Variants in PEF1 observed in about 807,000 individuals in gnomAD.
PEF1 encodes the protein penta-EF-hand domain containing 1, also known as peflin.
PEF1 carries 17 observed loss-of-function variants against 32.0 expected under a neutral mutation model. The ratio of observed to expected loss-of-function variants is 0.53; its 90% CI spans 0.36 to 0.80. The LOEUF is 0.80. Ranked by LOEUF, PEF1 falls within the 30% of genes least tolerant of loss-of-function variation. The pLI, the probability that PEF1 is intolerant of heterozygous loss-of-function variation, is 0.00. For missense variants in PEF1, 362 were observed against 369.1 expected, an observed-to-expected ratio of 0.98 and a Z score of 0.16; for synonymous variants, 130 against 139.8, an observed-to-expected ratio of 0.93 and a Z score of 0.50.
chr1:31,630,857 C>T lies in PEF1; in HGVS notation c.626-15G>A, dbSNP rs371471126. The stretch of plus-strand genomic sequence containing the variant: ...TTGGGACAGAGCTGGAGAAGAGGGG[C>T]ACACAGACCAGACACACAAAAACCT... On this transcript the variant is annotated splice_polypyrimidine_tract_variant and intron_variant, in intron 4 of 4. Transcript: ENST00000373703. 1.3e-6 allele frequency: 2 copies of T among 1,585,720 alleles called. No individual in the cohort carries two copies. The highest frequency in any genetic ancestry group is 1.7e-5 in the Admixed American group (1 of 57,882).
intron 1 of PEF1, among the ~76,000 whole-genome samples, chr1:31,643,548 T>C: frequency 6.6e-6 from 1 of 152,198 alleles, no homozygotes; most frequent in Admixed American, 6.5e-5. Context: ...CCTCACTTAC[T>C]ACGTGTGACT....
Position 31,630,560 on chromosome 1 carries a change from C to G in PEF1, c.*53G>C. The G allele has an allele frequency of 6.5e-7, 1 of 1,534,016 alleles. No individual in the cohort carries two copies. The highest frequency in any genetic ancestry group is 9.0e-7 in the Non-Finnish European group (1 of 1,113,206). On this transcript the variant is annotated 3_prime_UTR_variant, in exon 5 of 5. Transcript: ENST00000373703. The stretch of plus-strand genomic sequence containing the variant: ...GAGATGTCCACATACTTCTCTCACT[C>G]TAAGAAGCCAGGAAAGGTCCCTGGT...
chr1:31,644,844 C>T lies in PEF1; in HGVS notation c.21G>A (p.Arg7=), dbSNP rs982272079. MASYPY[R]QGCPGAAGQA... ...CGCGGGCCCCTCACACACTCACCTG[C>T]CGGTAAGGATAGCTGGCCATGGTGA... The change falls in exon 1 of 5, where the codon CGG becomes CGA. Residue 7 remains arginine, a synonymous_variant. Coordinates refer to ENST00000373703, the MANE Select transcript of PEF1 (RefSeq NM_012392.4). 6 of 1,614,014 alleles carry T rather than the reference C, an allele frequency of 3.7e-6. No individual in the cohort carries two copies. Among genetic ancestry groups the T allele is most frequent in the Non-Finnish European group, 5.1e-6 (6 of 1,179,920 alleles).
Position 31,633,045 on chromosome 1 carries a change from C to T in PEF1, c.481+114G>A, listed in dbSNP as rs1640156310. The T allele has an allele frequency of 3.1e-6, 4 of 1,279,826 alleles. No individual in the cohort carries two copies. The East Asian group carries it at 7.3e-5, about 23-fold the overall frequency. The allele number at this position is 1,279,826 out of a possible 1,614,324, so 79.3% of individuals were successfully genotyped here. A position where few individuals can be genotyped will look rare whatever the true frequency, so the allele number is the denominator to read the frequency against. On this transcript the variant is annotated intron_variant, in intron 3 of 4. Transcript: ENST00000373703. ...TGAACCTAGCTTCCTCCCCACAGTCCTCCCTGGTCAATGAATTTCTCTTCA... is the reference window on the plus strand; with the variant it reads ...TGAACCTAGCTTCCTCCCCACAGTCTTCCCTGGTCAATGAATTTCTCTTCA...
chr1:31,641,632 T>G (rs1640392527), intron 1 of PEF1, among the ~76,000 whole-genome samples: 1 of 152,236 alleles, frequency 6.6e-6, no homozygotes, highest in Non-Finnish European at 1.5e-5. Context: ...CTATTTCCTC[T>G]GCTGGAATAG....
In PEF1 at chr1:31,644,622, G is replaced by C. The variant is rs902625147; in HGVS notation, c.24+219C>G. The C allele has an allele frequency of 5.5e-6, 8 of 1,445,212 alleles. No homozygotes were observed. The Middle Eastern group carries it at 1.0e-3, about 184-fold the overall frequency. 89.5% of individuals were successfully genotyped at this position (1,445,212 alleles called of 1,614,324 possible). A position where few individuals can be genotyped will look rare whatever the true frequency, so the allele number is the denominator to read the frequency against. ...GTCCCCAAATCCTCGAGTGAGCGAC[G>C]TCAAGGGGGCGCGACACGACCTCGC... On this transcript the variant is annotated intron_variant, in intron 1 of 4. Coordinates refer to ENST00000373703, the MANE Select transcript of PEF1 (RefSeq NM_012392.4).
intron 1 of PEF1, among the ~76,000 whole-genome samples, chr1:31,641,075 T>TGG (rs1640380117): frequency 6.6e-6 from 1 of 152,142 alleles, no homozygotes; most frequent in African/African-American, 2.4e-5. Context: ...CAGACTTCAA[T>TGG]TACCTCTGTG....
At chr1:31,644,762 G>T in intron 1 of PEF1, 79 bp downstream of exon 1, 1 of 1,608,906 alleles carries the variant, frequency 6.2e-7, no homozygotes, top group Admixed American at 1.7e-5. Flanking sequence ...CGGAGAAAGC[G>T]GGGAGAAAGA....
Position 31,630,229 on chromosome 1 carries a change from G to A in PEF1, c.*384C>T. Reference sequence around the variant, plus strand: ...GGCTCGTTTGACAGGATGGCCTGGTGAGGGAACACAGGTACTAACGGTAAC... The same window carrying A: ...GGCTCGTTTGACAGGATGGCCTGGTAAGGGAACACAGGTACTAACGGTAAC... On this transcript the variant is annotated 3_prime_UTR_variant, in exon 5 of 5. Coordinates refer to ENST00000373703, the MANE Select transcript of PEF1 (RefSeq NM_012392.4). The A allele has an allele frequency of 3.8e-6, 1 of 264,034 alleles. No individual in the cohort carries two copies. Among genetic ancestry groups the A allele is most frequent in the South Asian group, 4.9e-5 (1 of 20,336 alleles). The allele number at this position is 264,034 out of a possible 1,614,324, so 16.4% of individuals were successfully genotyped here.
chr1:31,630,979 C>G, intron 4 of PEF1, 137 bp from the exon 5 acceptor site: 2 of 748,666 alleles, frequency 2.7e-6, no homozygotes, highest in South Asian at 1.7e-5. Flanking sequence ...TAGAGAAATC[C>G]CAAGGGTCTG....
intron 1 of PEF1, among the ~76,000 whole-genome samples, chr1:31,642,227 T>A (rs1454504290): frequency 2.0e-5 from 3 of 152,206 alleles, no homozygotes; most frequent in African/African-American, 7.2e-5. Flanking sequence ...AGCAAGACTC[T>A]GTCTTAAAAA....
At chr1:31,640,494 G>A (rs1310461227) in intron 1 of PEF1, among the ~76,000 whole-genome samples, 1 of 152,146 alleles carries the variant, frequency 6.6e-6, no homozygotes, top group Non-Finnish European at 1.5e-5. Context: ...GTGGACAGAG[G>A]TAGAGGGGAA....
intron 1 of PEF1, 129 bp downstream of exon 1, chr1:31,644,712 C>G: frequency 6.4e-7 from 1 of 1,551,018 alleles, no homozygotes; most frequent in East Asian, 2.3e-5. Flanking sequence ...TTCTCTACAG[C>G]GCAAGGCCTC....
chr1:31,630,606 G>A lies in PEF1; in HGVS notation c.*7C>T, dbSNP rs375058475. The A allele has an allele frequency of 7.4e-6, 12 of 1,611,586 alleles. 1 individual carries two copies. The highest frequency in any genetic ancestry group is 5.5e-5 in the South Asian group (5 of 90,948). On this transcript the variant is annotated 3_prime_UTR_variant, in exon 5 of 5. Transcript: ENST00000373703. ...CTGGTGCACTCCACTCTCCACAGAT[G>A]GTTGGGTCATAGCATCCGAGAAGCT...
chr1:31,637,008 T>A (rs1252158306), intron 1 of PEF1, among the ~76,000 whole-genome samples: 2 of 152,222 alleles, frequency 1.3e-5, no homozygotes, highest in African/African-American at 4.8e-5. Context: ...CGGCACCATC[T>A]AGATACGTTC....
chr1:31,632,651 A>G lies in PEF1; in HGVS notation c.482-13T>C, dbSNP rs541351386. On this transcript the variant is annotated splice_polypyrimidine_tract_variant and intron_variant, in intron 3 of 4. Transcript: ENST00000373703. ...TTGTCAAACATGTCTGAAGGTGAGG[A>G]GGGAAAGGAGGGGAGGAAGGCTTCA... 1.2e-6 allele frequency: 2 copies of G among 1,612,082 alleles called. No homozygotes were observed. Among genetic ancestry groups the G allele is most frequent in the Admixed American group, 3.3e-5 (2 of 59,992 alleles).
chr1:31,634,898 A>C (rs1281964371), intron 2 of PEF1: 4 of 514,270 alleles, frequency 7.8e-6, no homozygotes, highest in African/African-American at 1.9e-5. Context: ...TCTCTGCCAC[A>C]AAGATAACAT....
Position 31,635,374 on chromosome 1 carries a change from G to C in PEF1, c.173C>G (p.Pro58Arg). ...GPAPGGPYGPPAGGGPYGHPN... is the reference protein window; with the variant it reads ...GPAPGGPYGPRAGGGPYGHPN... Reference sequence around the variant, plus strand: ...GTGTCCATAGGGCCCTCCACCAGCTGGTGGTCCATAAGGCCCTCCAGGGGC... The same window carrying C: ...GTGTCCATAGGGCCCTCCACCAGCTCGTGGTCCATAAGGCCCTCCAGGGGC... The change falls in exon 2 of 5, where the codon CCA becomes CGA. Residue 58 changes from proline (P) to arginine (R), a missense_variant. Coordinates refer to ENST00000373703, the MANE Select transcript of PEF1 (RefSeq NM_012392.4). The C allele has an allele frequency of 2.5e-6, 4 of 1,613,722 alleles. No homozygotes were observed. The highest frequency in any genetic ancestry group is 2.5e-6 in the Non-Finnish European group (3 of 1,179,872).
At chr1:31,642,809 T>A (rs1387959917) in intron 1 of PEF1, among the ~76,000 whole-genome samples, 2 of 152,172 alleles carry the variant, frequency 1.3e-5, no homozygotes, top group Non-Finnish European at 2.9e-5. Flanking sequence ...GCTCCCTGCA[T>A]TTTAACCTCA....
Sources: allele counts gnomAD v4.1 joint callset (sites outside exome capture counted in the v4.1 genomes callset), GRCh38; gene constraint gnomAD v4.1.1; transcripts MANE v1.5; gene names NCBI Gene and HGNC (gene_info 2026-07-23, HGNC 2026-07-21).